Variants in LPIN2 observed in about 807,000 individuals in gnomAD.
LPIN2 encodes phosphatidate phosphatase LPIN2.
In LPIN2, 55 loss-of-function variants were observed where a neutral mutation model predicts 111.4. The observed-to-expected ratio is 0.49, with a 90% CI of 0.40 to 0.62. The LOEUF (loss-of-function observed/expected upper bound fraction) is 0.62. Ranked by LOEUF, LPIN2 falls within the 20% of genes least tolerant of loss-of-function variation. The probability of loss-of-function intolerance (pLI) is 0.00; values close to 1 mark genes in which losing one functional copy is unlikely to be tolerated. For missense variants in LPIN2, 992 were observed against 1,112.1 expected, an observed-to-expected ratio of 0.89 and a Z score of 1.54; for synonymous variants, 425 against 414.0, an observed-to-expected ratio of 1.03 and a Z score of -0.32.
intron 1 of LPIN2, among the ~76,000 whole-genome samples, chr18:2,983,315 T>G (rs2078139901): frequency 6.6e-6 from 1 of 152,178 alleles, no homozygotes; most frequent in African/African-American, 2.4e-5. Context: ...TGACCCAAGG[T>G]ATTTTCACAA....
Position 2,922,059 on chromosome 18 carries a change from G to A in LPIN2, c.2315C>T (p.Ser772Phe), listed in dbSNP as rs780297708. Residue 772 changes from serine (S) to phenylalanine (F), a missense_variant, in exon 17 of 20, where the codon TCC (serine) becomes TTC (phenylalanine). Physicochemically the swap from Ser to Phe is radical, Grantham distance 155 (BLOSUM62 -2). This residue lies in a region of LPIN2 where 185 missense variants were observed against 186.5 expected (regional missense o/e 0.99). Transcript: ENST00000677752. ...GCCGGAGAGGTACCTGTGGAAGGCG[G>A]AGAACAAGCTGCTGGGGGACAGCAT... ...PLMLSPSSLF[S>F]AFHREVIEKK... 2 of 1,613,222 alleles carry A rather than the reference G, an allele frequency of 1.2e-6. No homozygotes were observed. The highest frequency in any genetic ancestry group is 3.3e-5 in the Admixed American group (2 of 59,992).
chr18:3,004,579 TCACAGTGTA>T (rs1285950652), intron 1 of LPIN2, among the ~76,000 whole-genome samples: 6 of 151,944 alleles, frequency 3.9e-5, no homozygotes, highest in African/African-American at 7.3e-5. Context: ...AACCCAGGAG[TCACAGTGTA>T]CACTTACTCA....
intron 1 of LPIN2, among the ~76,000 whole-genome samples, chr18:2,981,146 G>C (rs1341271285): frequency 6.6e-6 from 1 of 152,110 alleles, no homozygotes; most frequent in African/African-American, 2.4e-5. Flanking sequence ...TTTCAAAACT[G>C]AAACTGTCAC....
In LPIN2 at chr18:2,922,268, A is replaced by C. The variant is rs551110670; in HGVS notation, c.2175-69T>G. 557 of 1,549,462 alleles carry C rather than the reference A, an allele frequency of 3.6e-4. 9 individuals carry two copies. In the South Asian group the frequency reaches 5.2e-3, roughly 15 times the overall value. ...GGAAAAGAAAACAAAAAACAAAAAA[A>C]AAACCCCACACTTTTCTTTCTTTTT... On this transcript the variant is annotated intron_variant, in intron 16 of 19. Coordinates refer to ENST00000677752, the MANE Select transcript of LPIN2 (RefSeq NM_001375808.2).
chr18:2,966,489 T>G (rs1180531286), intron 1 of LPIN2, among the ~76,000 whole-genome samples: 1 of 152,160 alleles, frequency 6.6e-6, no homozygotes, highest in Admixed American at 6.5e-5. Context: ...ATATCCAAGG[T>G]CAGCACACTA....
At chr18:2,958,752 G>C (rs2077662144) in intron 2 of LPIN2, among the ~76,000 whole-genome samples, 1 of 152,108 alleles carries the variant, frequency 6.6e-6, no homozygotes, top group Non-Finnish European at 1.5e-5. Context: ...CGATTGTGTA[G>C]CTTTTGCACA....
Position 2,919,907 on chromosome 18 carries a change from C to A in LPIN2, c.*386G>T. On this transcript the variant is annotated 3_prime_UTR_variant, in exon 20 of 20. Transcript: ENST00000677752. ...AAGACAGCCCTGGTTACAGAAGCCACCTCAACTGCCCAGTGGAAACTGGAA... is the reference window on the plus strand; with the variant it reads ...AAGACAGCCCTGGTTACAGAAGCCAACTCAACTGCCCAGTGGAAACTGGAA... The A allele has an allele frequency of 3.2e-6, 1 of 312,290 alleles. No individual in the cohort carries two copies. The highest frequency in any genetic ancestry group is 6.3e-6 in the Non-Finnish European group (1 of 158,802). 19.3% of individuals were successfully genotyped at this position (312,290 alleles called of 1,614,324 possible). A position where few individuals can be genotyped will look rare whatever the true frequency, so the allele number is the denominator to read the frequency against.
chr18:2,923,985 A>G, intron 15 of LPIN2, 124 bp from the exon 16 acceptor site: 1 of 808,130 alleles, frequency 1.2e-6, no homozygotes, highest in Non-Finnish European at 2.1e-6. Context: ...AGGGGATTTA[A>G]TCACAGCTTC....
chr18:2,971,960 T>C (rs1005252808), intron 1 of LPIN2, among the ~76,000 whole-genome samples: 1 of 151,854 alleles, frequency 6.6e-6, no homozygotes, highest in African/African-American at 2.4e-5. Flanking sequence ...GACACGAGAA[T>C]CGCTTGAACC....
At chr18:2,986,301 C>T (rs1332242337) in intron 1 of LPIN2, among the ~76,000 whole-genome samples, 1 of 152,006 alleles carries the variant, frequency 6.6e-6, no homozygotes, top group Non-Finnish European at 1.5e-5. Flanking sequence ...TCATAATATC[C>T]TCATATAATC....
intron 18 of LPIN2, chr18:2,921,252 T>C: frequency 1.8e-6 from 1 of 565,150 alleles, no homozygotes; most frequent in Non-Finnish European, 3.2e-6. Flanking sequence ...AGCTCAGAAC[T>C]GCTTAGAAGA....
At chr18:2,954,465 G>GCA (rs1437591891) in intron 3 of LPIN2, 39 bp downstream of exon 3, 20 of 1,454,406 alleles carry the variant, frequency 1.4e-5, no homozygotes, top group Non-Finnish European at 1.8e-5. Flanking sequence ...AGAGGCCTGA[G>GCA]CACACTGTGT....
In LPIN2 at chr18:2,929,054, G is replaced by A. The variant is rs2077176461; in HGVS notation, c.1550+11C>T. On this transcript the variant is annotated intron_variant, in intron 10 of 19. Transcript: ENST00000677752. ...AGAGTATTTAACAATTATAAAAGCA[G>A]GAGTATTTACCGATTATATATCCTT... 4.7e-6 allele frequency: 7 copies of A among 1,489,142 alleles called. No individual in the cohort carries two copies. The highest frequency in any genetic ancestry group is 1.4e-5 in the African/African-American group (1 of 72,310). The allele number at this position is 1,489,142 out of a possible 1,614,324, so 92.2% of individuals were successfully genotyped here. A position where few individuals can be genotyped will look rare whatever the true frequency, so the allele number is the denominator to read the frequency against.
chr18:2,991,830 C>T (rs533538977), intron 1 of LPIN2, among the ~76,000 whole-genome samples: 9 of 151,954 alleles, frequency 5.9e-5, no homozygotes, highest in Middle Eastern at 3.4e-3. Context: ...GCCAAGATGG[C>T]GAAACCCCAT....
At chr18:2,971,199 T>C (rs2143293310) in intron 1 of LPIN2, among the ~76,000 whole-genome samples, 1 of 152,302 alleles carries the variant, frequency 6.6e-6, no homozygotes, top group African/African-American at 2.4e-5. Context: ...CCAATACCAG[T>C]TTTCATCTTA....
chr18:2,988,132 C>T (rs548990276), intron 1 of LPIN2, among the ~76,000 whole-genome samples: 3 of 151,724 alleles, frequency 2.0e-5, no homozygotes, highest in Admixed American at 6.6e-5. Context: ...ATCTGGCAAC[C>T]CTCCTTTGTT....
intron 2 of LPIN2, among the ~76,000 whole-genome samples, chr18:2,960,117 C>A (rs1396968790): frequency 6.6e-6 from 1 of 150,590 alleles, no homozygotes; most frequent in East Asian, 2.0e-4. Context: ...TTGCAGTGAG[C>A]CAAGATCACA....
intron 4 of LPIN2, among the ~76,000 whole-genome samples, chr18:2,949,360 CA>C (rs1050623900): frequency 2.6e-5 from 4 of 151,680 alleles, no homozygotes; most frequent in Non-Finnish European, 2.9e-5. Flanking sequence ...TTGACACTGA[CA>C]AAAAAAATTA....
rs959268775 is a variant in LPIN2 at position 2,918,590 on chromosome 18, C to T, written c.*1703G>A. ...AATTAGTCCTTATCAACTATTTAAG[C>T]TGGGGGAAGCTTTGCATGGGAGAAG... On this transcript the variant is annotated 3_prime_UTR_variant, in exon 20 of 20. Transcript: ENST00000677752. 2 of 152,130 alleles carry T rather than the reference C, an allele frequency of 1.3e-5. No individual in the cohort carries two copies. The highest frequency in any genetic ancestry group is 4.8e-5 in the African/African-American group (2 of 41,412). The allele number at this position is 152,130 out of a possible 1,614,324, so 9.4% of individuals were successfully genotyped here.
Sources: allele counts gnomAD v4.1 joint callset (sites outside exome capture counted in the v4.1 genomes callset), GRCh38; gene constraint gnomAD v4.1.1; regional missense constraint gnomAD v4.1.1; transcripts MANE v1.5; gene names NCBI Gene and HGNC (gene_info 2026-07-23, HGNC 2026-07-21).